Variants in SYN3 observed in about 807,000 individuals in gnomAD.
SYN3 encodes the protein synapsin III.
SYN3 carries 35 observed loss-of-function variants against 65.8 expected under a neutral mutation model. That is an observed-to-expected ratio of 0.53 (90% confidence interval 0.41 to 0.70). The LOEUF is 0.70. SYN3 is among the 30% of genes least tolerant of loss of function. The probability of loss-of-function intolerance (pLI) is 0.00; values close to 1 mark genes in which losing one functional copy is unlikely to be tolerated. For synonymous variants in SYN3, 270 were observed against 292.9 expected (o/e 0.92, Z 0.80); for missense variants, 680 against 749.0 (o/e 0.91, Z 1.08).
intron 1 of SYN3, among the ~76,000 whole-genome samples, chr22:33,042,313 G>A (rs1428033156): frequency 1.3e-5 from 2 of 152,182 alleles, no homozygotes; most frequent in African/African-American, 4.8e-5. Context: ...GTGGGGGTCA[G>A]GGGCAGGAAA....
chr22:32,542,624 GTGTGTA>G (rs1228649147), intron 7 of SYN3, among the ~76,000 whole-genome samples: 1 of 134,342 alleles, frequency 7.4e-6, no homozygotes, highest in Non-Finnish European at 1.7e-5. Flanking sequence ...GCTTCTGTTT[GTGTGTA>G]TGTGTGTGTG....
chr22:32,974,467 T>C (rs2052121038), intron 3 of SYN3, among the ~76,000 whole-genome samples: 1 of 152,240 alleles, frequency 6.6e-6, no homozygotes, highest in South Asian at 2.1e-4. Flanking sequence ...GACTGGGACC[T>C]ATCAGAGACC....
At chr22:32,797,098 C>G (rs935667672) in intron 6 of SYN3, among the ~76,000 whole-genome samples, 1 of 152,142 alleles carries the variant, frequency 6.6e-6, no homozygotes, top group Non-Finnish European at 1.5e-5. Flanking sequence ...TGTGCTCTCC[C>G]GCCCTCGCAG....
chr22:32,971,480 C>T (rs1327249577), intron 3 of SYN3, among the ~76,000 whole-genome samples: 1 of 152,048 alleles, frequency 6.6e-6, no homozygotes, highest in Non-Finnish European at 1.5e-5. Flanking sequence ...GAGTTCTGTC[C>T]GACTCAGTCC....
chr22:32,544,790 G>A (rs752695044), intron 7 of SYN3, among the ~76,000 whole-genome samples: 1 of 152,204 alleles, frequency 6.6e-6, no homozygotes, highest in Non-Finnish European at 1.5e-5. Context: ...GGGACGGCTT[G>A]TTTAACTCAC....
At chr22:32,567,700 T>C (rs890250816) in intron 7 of SYN3, among the ~76,000 whole-genome samples, 1 of 152,034 alleles carries the variant, frequency 6.6e-6, no homozygotes, top group African/African-American at 2.4e-5. Flanking sequence ...GGGATTATCA[T>C]CCACATATCC....
At chr22:33,009,276 A>G (rs1452084892) in intron 1 of SYN3, among the ~76,000 whole-genome samples, 1 of 152,132 alleles carries the variant, frequency 6.6e-6, no homozygotes, top group East Asian at 1.9e-4. Flanking sequence ...ATCCTTTCTC[A>G]CATTTGGTTG....
chr22:32,632,369 A>G (rs573509864), intron 6 of SYN3, among the ~76,000 whole-genome samples: 61 of 152,090 alleles, frequency 4.0e-4, no homozygotes, highest in Middle Eastern at 6.8e-3. Flanking sequence ...TCTGATATTT[A>G]CTTGTATGGG....
At chr22:33,013,123 A>G (rs1447918758) in intron 1 of SYN3, among the ~76,000 whole-genome samples, 1 of 152,166 alleles carries the variant, frequency 6.6e-6, no homozygotes, top group Non-Finnish European at 1.5e-5. Flanking sequence ...TTCCTTCTTC[A>G]GGAACTCTGG....
In SYN3 at chr22:32,801,989, G is replaced by GGCA. The variant is rs1465163572; in HGVS notation, c.711+62923_711+62925dup. On this transcript the variant is annotated intron_variant, in intron 6 of 13. Coordinates refer to ENST00000358763, the MANE Select transcript of SYN3 (RefSeq NM_003490.4). This position sits in a 1 kb window ranked among gnomAD's most constrained non-coding sequence, Gnocchi z 4.7. Reference sequence around the variant, plus strand: ...GGCGAGCAGCAGCCCCGGCAGCGGCGGCAGCAGCGGCAATGACCCCTTGGC... The same window carrying GGCA: ...GGCGAGCAGCAGCCCCGGCAGCGGCGGCAGCAGCAGCGGCAATGACCCCTTGGC... 6.3e-7 allele frequency: 1 copy of GGCA among 1,582,542 alleles called. No individual in the cohort carries two copies. The highest frequency in any genetic ancestry group is 2.3e-5 in the East Asian group (1 of 43,806).
chr22:32,928,768 CTCTTT>C (rs1205600302), intron 4 of SYN3, among the ~76,000 whole-genome samples: 1 of 152,174 alleles, frequency 6.6e-6, no homozygotes, highest in African/African-American at 2.4e-5. Flanking sequence ...TTTTACCTCT[CTCTTT>C]TGAGATTCTG....
At chr22:32,759,656 CCCAG>C (rs532948753) in intron 6 of SYN3, among the ~76,000 whole-genome samples, 62 of 117,544 alleles carry the variant, frequency 5.3e-4, no homozygotes, top group East Asian at 2.6e-3. Context: ...CTCACCCACC[CCCAG>C]CCAGCACCCA....
intron 6 of SYN3, among the ~76,000 whole-genome samples, chr22:32,718,522 A>G (rs1329694623): frequency 1.3e-5 from 2 of 151,824 alleles, no homozygotes; most frequent in East Asian, 3.9e-4. Flanking sequence ...AAAAAAAAAG[A>G]AAAAAGAAAA....
intron 6 of SYN3, among the ~76,000 whole-genome samples, chr22:32,836,991 G>A (rs900950371): frequency 1.3e-5 from 2 of 152,182 alleles, no homozygotes; most frequent in Non-Finnish European, 2.9e-5. Context: ...TGCGGGTCTG[G>A]CGTGCAAAGG....
rs180970013 is a variant in SYN3 at position 32,758,539 on chromosome 22, G to A, written c.711+106376C>T. Among the ~76,000 whole-genome samples the A allele has an allele frequency of 1.6e-3, 245 of 150,468 alleles. 1 individual carries two copies. Among genetic ancestry groups the A allele is most frequent in the African/African-American group, 5.8e-3 (240 of 41,036 alleles). On this transcript the variant is annotated intron_variant, in intron 6 of 13. Coordinates refer to ENST00000358763, the MANE Select transcript of SYN3 (RefSeq NM_003490.4). The stretch of plus-strand genomic sequence containing the variant: ...GCCTCCCAGCCTACATCTTTCTCCC[G>A]TGCTGGATGCTTCCTGCCCTCAAAC...
chr22:32,693,920 A>C lies in SYN3; in HGVS notation c.712-97184T>G, dbSNP rs377397660. Among the ~76,000 whole-genome samples, 10 of 152,230 alleles carry C rather than the reference A, an allele frequency of 6.6e-5. No individual in the cohort carries two copies. In the East Asian group the frequency reaches 1.9e-3, roughly 29 times the overall value. ...TTTTATTGAACATCTTTATTTTTGT[A>C]GAAATGTACATTCTGTTTCCATTAA... On this transcript the variant is annotated intron_variant, in intron 6 of 13. Coordinates refer to ENST00000358763, the MANE Select transcript of SYN3 (RefSeq NM_003490.4).
chr22:32,643,915 C>A (rs535565545), intron 6 of SYN3, among the ~76,000 whole-genome samples: 1 of 151,412 alleles, frequency 6.6e-6, no homozygotes, highest in African/African-American at 2.4e-5. Context: ...CATGAAGAAA[C>A]CACGTCTCTA....
chr22:32,887,565 C>A (rs2049328136), intron 4 of SYN3, among the ~76,000 whole-genome samples: 1 of 152,166 alleles, frequency 6.6e-6, no homozygotes, highest in Non-Finnish European at 1.5e-5. Context: ...TGATGTCAGT[C>A]TTACAGAAGA....
chr22:32,912,345 G>C (rs1018646505), intron 4 of SYN3, among the ~76,000 whole-genome samples: 1 of 152,074 alleles, frequency 6.6e-6, no homozygotes, highest in Non-Finnish European at 1.5e-5. Flanking sequence ...GTGGGGCCTG[G>C]GATAGGAAAG....
Sources: allele counts gnomAD v4.1 joint callset (sites outside exome capture counted in the v4.1 genomes callset), GRCh38; gene constraint gnomAD v4.1.1; non-coding constraint Gnocchi (gnomAD v3.1); transcripts MANE v1.5; gene names NCBI Gene and HGNC (gene_info 2026-07-23, HGNC 2026-07-21).